CCSER1: variants seen among roughly 807,000 people sequenced by gnomAD.
CCSER1 encodes serine-rich coiled-coil domain-containing protein 1.
A neutral mutation model predicts 82.0 loss-of-function variants in CCSER1; 41 were observed. The ratio of observed to expected loss-of-function variants is 0.50; its 90% CI spans 0.39 to 0.65. The LOEUF is 0.65. CCSER1 is among the 30% of genes least tolerant of loss of function. The pLI is 0.00. For synonymous variants in CCSER1, 414 were observed against 383.9 expected (o/e 1.08, Z -0.92); for missense variants, 1,119 against 1,064.2 (o/e 1.05, Z -0.72).
At chr4:91,180,324 C>T (rs575012713) in intron 10 of CCSER1, among the ~76,000 whole-genome samples, 10 of 152,322 alleles carry the variant, frequency 6.6e-5, no homozygotes, top group African/African-American at 2.4e-4. Context: ...AGAACCACTA[C>T]TCTCTTCAAA....
intron 10 of CCSER1, among the ~76,000 whole-genome samples, chr4:91,480,026 AATG>A (rs1488265855): frequency 4.8e-5 from 7 of 145,650 alleles, no homozygotes; most frequent in Admixed American, 4.2e-4. Context: ...GTTTACTGAG[AATG>A]ATGATTTCCA....
intron 1 of CCSER1, among the ~76,000 whole-genome samples, chr4:90,153,737 T>A (rs1727395130): frequency 6.6e-6 from 1 of 152,160 alleles, no homozygotes; most frequent in Non-Finnish European, 1.5e-5. Context: ...GGGTTTATTT[T>A]TTTCTTGTAA....
chr4:90,151,642 AC>A (rs1197010362), intron 1 of CCSER1, among the ~76,000 whole-genome samples: 2 of 152,136 alleles, frequency 1.3e-5, no homozygotes, highest in Non-Finnish European at 1.5e-5. Flanking sequence ...TACAAAGAGT[AC>A]ACCTGGAGAG....
At chr4:91,244,804 A>G (rs1213209668) in intron 10 of CCSER1, among the ~76,000 whole-genome samples, 1 of 152,222 alleles carries the variant, frequency 6.6e-6, no homozygotes, top group Non-Finnish European at 1.5e-5. Context: ...ACCAAGGACC[A>G]ATGCTGGAGA....
chr4:91,418,761 CAAAAGCT>C (rs1753525754), intron 10 of CCSER1, among the ~76,000 whole-genome samples: 1 of 151,900 alleles, frequency 6.6e-6, no homozygotes, highest in African/African-American at 2.4e-5. Flanking sequence ...GTATTAAAGA[CAAAAGCT>C]TTGCCAGAGA....
chr4:90,662,199 G>C (rs543733379), intron 6 of CCSER1, among the ~76,000 whole-genome samples: 2 of 151,774 alleles, frequency 1.3e-5, no homozygotes, highest in Non-Finnish European at 2.9e-5. Flanking sequence ...GGGTTTCACC[G>C]TGTTAGCCAG....
intron 5 of CCSER1, among the ~76,000 whole-genome samples, chr4:90,571,375 T>C (rs1441576749): frequency 1.3e-5 from 2 of 152,210 alleles, no homozygotes; most frequent in Non-Finnish European, 2.9e-5. Flanking sequence ...GTGGCACAGA[T>C]ACACCATGGA....
At chr4:91,076,747 T>A (rs1159745022) in intron 9 of CCSER1, among the ~76,000 whole-genome samples, 1 of 152,216 alleles carries the variant, frequency 6.6e-6, no homozygotes, top group Non-Finnish European at 1.5e-5. Flanking sequence ...AGAAAGGCTA[T>A]GATCTTCAAG....
At chr4:91,533,905 CTTCT>C (rs1031965951) in intron 10 of CCSER1, among the ~76,000 whole-genome samples, 4 of 151,864 alleles carry the variant, frequency 2.6e-5, no homozygotes, top group African/African-American at 9.7e-5. Context: ...AGATATGTAG[CTTCT>C]TTCTCTGCTT....
chr4:90,660,812 C>T (rs572380073), intron 6 of CCSER1, among the ~76,000 whole-genome samples: 2 of 152,248 alleles, frequency 1.3e-5, no homozygotes, highest in Middle Eastern at 3.4e-3. Context: ...GCTAATTGCA[C>T]CTTTTGCGTA....
chr4:90,258,233 G>A (rs113230778), intron 1 of CCSER1, among the ~76,000 whole-genome samples: 258 of 152,240 alleles, frequency 1.7e-3, no homozygotes, highest in African/African-American at 5.4e-3. Flanking sequence ...AAAAAATATC[G>A]GATGGGCACG....
intron 10 of CCSER1, among the ~76,000 whole-genome samples, chr4:91,218,293 G>A (rs1443529915): frequency 1.3e-5 from 2 of 152,170 alleles, no homozygotes; most frequent in African/African-American, 2.4e-5. Flanking sequence ...ACACCCACCC[G>A]GAACTCCAGC....
chr4:90,628,784 A>G (rs1474172074), intron 6 of CCSER1, among the ~76,000 whole-genome samples: 2 of 152,130 alleles, frequency 1.3e-5, no homozygotes, highest in Non-Finnish European at 2.9e-5. Flanking sequence ...GAAAATGCAT[A>G]ATGAGATTCT....
intron 10 of CCSER1, among the ~76,000 whole-genome samples, chr4:91,581,183 A>C (rs1763709201): frequency 6.6e-6 from 1 of 151,760 alleles, no homozygotes; most frequent in South Asian, 2.1e-4. Flanking sequence ...TAGAGAGTAA[A>C]AGGAAACATA....
At chr4:90,484,078 A>T (rs1009079615) in intron 5 of CCSER1, among the ~76,000 whole-genome samples, 3 of 152,064 alleles carry the variant, frequency 2.0e-5, no homozygotes, top group African/African-American at 7.2e-5. Context: ...GTTTCTTTTT[A>T]TTCTTTTTTC....
intron 4 of CCSER1, among the ~76,000 whole-genome samples, chr4:90,437,675 A>G (rs545500294): frequency 9.8e-5 from 15 of 152,330 alleles, no homozygotes; most frequent in African/African-American, 3.6e-4. Flanking sequence ...AACATAGCAG[A>G]GAGACATCCC....
intron 8 of CCSER1, among the ~76,000 whole-genome samples, chr4:90,881,330 A>G (rs74602811): frequency 4.9e-4 from 74 of 151,776 alleles, no homozygotes; most frequent in Admixed American, 1.6e-3. Context: ...AGAGAGAGAG[A>G]GGGGGGAAAG....
At chr4:91,504,207 G>T (rs566680805) in intron 10 of CCSER1, among the ~76,000 whole-genome samples, 3 of 152,290 alleles carry the variant, frequency 2.0e-5, no homozygotes, top group Non-Finnish European at 4.4e-5. Context: ...GATGATACAT[G>T]ATTTATTTTT....
At chr4:91,560,253 C>T (rs552937297) in intron 10 of CCSER1, among the ~76,000 whole-genome samples, 52 of 150,730 alleles carry the variant, frequency 3.4e-4, no homozygotes, top group African/African-American at 1.3e-3. Flanking sequence ...GACAGAACAA[C>T]ATTATTTAGT....
Sources: allele counts gnomAD v4.1 joint callset (sites outside exome capture counted in the v4.1 genomes callset), GRCh38; gene constraint gnomAD v4.1.1; transcripts MANE v1.5; gene names NCBI Gene and HGNC (gene_info 2026-07-23, HGNC 2026-07-21).